PPIP5K1: variants seen among roughly 807,000 people sequenced by gnomAD.
The protein encoded by PPIP5K1 is inositol hexakisphosphate and diphosphoinositol-pentakisphosphate kinase 1.
A neutral mutation model predicts 27.7 loss-of-function variants in PPIP5K1; 6 were observed. The ratio of observed to expected loss-of-function variants is 0.22; its 90% CI spans 0.12 to 0.43. The LOEUF (loss-of-function observed/expected upper bound fraction) is 0.43, where lower values mean the gene tolerates loss of function less well. Among genes scored for constraint, PPIP5K1 ranks in the 20% least tolerant of loss-of-function variants. PPIP5K1 has a pLI of 1.00. For synonymous variants in PPIP5K1, 145 were observed against 242.6 expected (o/e 0.60, Z 3.74); for missense variants, 394 against 635.4 (o/e 0.62, Z 4.08).
At chr15:43,559,635 G>A (rs544327284) in intron 29 of PPIP5K1, among the ~76,000 whole-genome samples, 1 of 151,982 alleles carries the variant, frequency 6.6e-6, no homozygotes, top group African/African-American at 2.4e-5. Context: ...GAAAAATGAG[G>A]CAAATGCCCT....
At chr15:43,537,065 G>A (rs2079957641) in intron 31 of PPIP5K1, among the ~76,000 whole-genome samples, 1 of 151,914 alleles carries the variant, frequency 6.6e-6, no homozygotes, top group Non-Finnish European at 1.5e-5. Context: ...GGCTGGACAC[G>A]GTGGCTCATA....
intron 30 of PPIP5K1, among the ~76,000 whole-genome samples, chr15:43,551,606 G>T (rs2082198927): frequency 1.8e-4 from 19 of 105,448 alleles, no homozygotes; most frequent in East Asian, 5.6e-4. Flanking sequence ...TCTTGATTCA[G>T]TTTTTTTTTT....
chr15:43,548,733 A>G (rs933624154), intron 30 of PPIP5K1: 3 of 145,788 alleles, frequency 2.1e-5, no homozygotes, highest in African/African-American at 7.5e-5. Flanking sequence ...TTTCTTAAAA[A>G]TTATTTGTAG....
chr15:43,558,795 C>G lies in PPIP5K1; in HGVS notation c.3556G>C (p.Ala1186Pro). 1 of 1,613,852 alleles carries G rather than the reference C, an allele frequency of 6.2e-7. No individual in the cohort carries two copies. Among genetic ancestry groups the G allele is most frequent in the Middle Eastern group, 1.7e-4 (1 of 6,048 alleles). ...HTDAQAQASA[A>P]LFDSMHSSQA... ...GGTAAAAAAATAAGAATATCCCTAC[C>G]TGCAGATGCCTGTGCCTGGGCATCA... Residue 1186 changes from alanine (A) to proline (P), a missense_variant and splice_region_variant, in exon 30 of 32, where the codon GCC becomes CCC. Ala to Pro is a conservative substitution (Grantham distance 27, BLOSUM62 -1). Around this residue, in one of 4 missense-constraint regions of PPIP5K1, gnomAD observed 379 missense variants for 423.9 expected, o/e 0.89. Coordinates refer to ENST00000420765, the MANE Select transcript of PPIP5K1 (RefSeq NM_001394395.1).
At chr15:43,558,106 G>A (rs1396780878) in intron 30 of PPIP5K1, among the ~76,000 whole-genome samples, 1 of 150,780 alleles carries the variant, frequency 6.6e-6, no homozygotes, top group Non-Finnish European at 1.5e-5. Flanking sequence ...CTGTCACCCA[G>A]GCTGGAGTGC....
At chr15:43,556,476 A>G (rs2082967412) in intron 30 of PPIP5K1, among the ~76,000 whole-genome samples, 2 of 151,942 alleles carry the variant, frequency 1.3e-5, no homozygotes, top group African/African-American at 4.8e-5. Flanking sequence ...GTCTCTACTA[A>G]AAATTCAAAA....
chr15:43,541,568 C>G (rs1405073798), intron 30 of PPIP5K1, among the ~76,000 whole-genome samples: 1 of 151,870 alleles, frequency 6.6e-6, no homozygotes, highest in Non-Finnish European at 1.5e-5. Context: ...AATACAAAAA[C>G]TAGCCAGGCG....
intron 30 of PPIP5K1, among the ~76,000 whole-genome samples, chr15:43,551,425 G>A (rs542870680): frequency 6.7e-5 from 10 of 150,280 alleles, no homozygotes; most frequent in African/African-American, 2.4e-4. Context: ...GGCTGAGGCA[G>A]GAGAATCGTT....
chr15:43,581,278 C>A lies in PPIP5K1; in HGVS notation c.888G>T (p.Met296Ile). 1.2e-6 allele frequency: 2 copies of A among 1,613,182 alleles called. No individual in the cohort carries two copies. The highest frequency in any genetic ancestry group is 8.5e-7 in the Non-Finnish European group (1 of 1,179,856). ...CCACCAGCTTTTCCATGGCAGTCAG[C>A]ATGACTGGATATCGAATCTCTTTCC... The part of the protein sequence containing the change: ...SEGKEIRYPV[M>I]LTAMEKLVAR... The change falls in exon 9 of 32, where the codon ATG becomes ATT. Residue 296 changes from methionine (M) to isoleucine (I), a missense_variant. Around this residue, in one of 4 missense-constraint regions of PPIP5K1, gnomAD observed 10 missense variants for 90.2 expected, o/e 0.11. Coordinates refer to ENST00000420765, the MANE Select transcript of PPIP5K1 (RefSeq NM_001394395.1).
At chr15:43,539,884 TG>T (rs2080437007) in intron 30 of PPIP5K1, among the ~76,000 whole-genome samples, 1 of 152,242 alleles carries the variant, frequency 6.6e-6, no homozygotes, top group African/African-American at 2.4e-5. Flanking sequence ...TATTTCTGCA[TG>T]CTAAAGTGTT....
rs936735387 is a variant in PPIP5K1, at chr15:43,560,417, G to C, written c.3414C>G (p.Leu1138=). 7.7e-7 allele frequency: 1 copy of C among 1,301,932 alleles called. No homozygotes were observed. Among genetic ancestry groups the C allele is most frequent in the Admixed American group, 2.3e-5 (1 of 43,542 alleles). The allele number at this position is 1,301,932 out of a possible 1,614,324, so 80.6% of individuals were successfully genotyped here. ...CAGTTTGGTGGCAGGGGGTACCGTA[G>C]AGGCACTCGGGGTCATCCTGGCCTG... ...LRSGQDDPEC[L]YGFEGCSMVP... is the part of the protein sequence containing the mutation. Residue 1138 remains leucine, a synonymous_variant, in exon 29 of 32, where the codon CTC becomes CTG. Transcript: ENST00000420765.
At position 43,579,381 on chromosome 15, in the gene PPIP5K1, T is replaced by TACACACAC. The variant is rs879415771; in HGVS notation, c.1062-262_1062-261insGTGTGTGT. On this transcript the variant is annotated intron_variant, in intron 10 of 31. Coordinates refer to ENST00000420765, the MANE Select transcript of PPIP5K1 (RefSeq NM_001394395.1). Reference sequence around the variant, plus strand: ...GAGGAGTACATAGGGGCTTCGATTATATACACACACACACACACACACACA... The same window carrying TACACACAC: ...GAGGAGTACATAGGGGCTTCGATTATACACACACATACACACACACACACACACACACA... Among the ~76,000 whole-genome samples the TACACACAC allele has an allele frequency of 1.2e-3, 39 of 32,098 alleles. 1 individual carries two copies. Among genetic ancestry groups the TACACACAC allele is most frequent in the Admixed American group, 2.1e-3 (8 of 3,810 alleles). The allele number at this position is 32,098 out of a possible 152,430, so 21.1% of individuals were successfully genotyped here. A position where few individuals can be genotyped will look rare whatever the true frequency, so the allele number is the denominator to read the frequency against.
In PPIP5K1 at chr15:43,537,706, AAG is replaced by A. The variant is rs1156583027; in HGVS notation, c.3670+1762_3670+1763del. The stretch of plus-strand genomic sequence containing the variant: ...TCCATCTCAAAAAAAAAAAAAAAAA[AAG>A]AGAGAGAGAGAGAGAGAGAGAGAAG... On this transcript the variant is annotated intron_variant, in intron 31 of 31. Transcript: ENST00000420765. 2.2e-3 allele frequency among the ~76,000 whole-genome samples: 275 copies of A among 126,690 alleles called. 2 individuals are homozygous for A. The highest frequency in any genetic ancestry group is 2.7e-3 in the Non-Finnish European group (171 of 64,466). 83.1% of individuals were successfully genotyped at this position (126,690 alleles called of 152,430 possible). A position where few individuals can be genotyped will look rare whatever the true frequency, so the allele number is the denominator to read the frequency against.
chr15:43,552,655 C>T (rs892594924), intron 30 of PPIP5K1, among the ~76,000 whole-genome samples: 2 of 150,654 alleles, frequency 1.3e-5, no homozygotes, highest in Non-Finnish European at 2.9e-5. Flanking sequence ...GAGCCATGAT[C>T]GTACCACTGC....
intron 30 of PPIP5K1, among the ~76,000 whole-genome samples, chr15:43,544,161 G>A (rs1183206589): frequency 6.6e-6 from 1 of 151,962 alleles, no homozygotes. Context: ...ATTCCCTATT[G>A]TTAAATCTGA....
rs933489616 is a variant in PPIP5K1, at chr15:43,557,757, TG to T, written c.3556+1037del. On this transcript the variant is annotated intron_variant, in intron 30 of 31. Transcript: ENST00000420765. ...ATAGCTCACTGCAGCCTTGAACTCC[TG>T]GGTTCAAGTGATCCTCCCGTTTCAA... Among the ~76,000 whole-genome samples, 8 of 150,906 alleles carry T rather than the reference TG, an allele frequency of 5.3e-5. No homozygotes were observed. In the South Asian group the frequency reaches 1.7e-3, roughly 32 times the overall value.
rs1255164774 is a variant in PPIP5K1 at position 43,535,191 on chromosome 15, G to A, written c.3956C>T (p.Pro1319Leu). Residue 1319 changes from proline to leucine, a missense_variant, in exon 32 of 32, where the codon CCT (proline) becomes CTT (leucine). Pro to Leu is a moderately conservative substitution (Grantham distance 98, BLOSUM62 -3). Around this residue, in one of 4 missense-constraint regions of PPIP5K1, gnomAD observed 379 missense variants for 423.9 expected, o/e 0.89. Transcript: ENST00000420765. ...EEVSQPCQEVPDISQPCQDIS... is the reference protein window; with the variant it reads ...EEVSQPCQEVLDISQPCQDIS... ...GTCCTGGCATGGCTGGCTGATGTCAGGGACCTCCTGACATGGCTGGCTGAC... is the reference window on the plus strand; with the variant it reads ...GTCCTGGCATGGCTGGCTGATGTCAAGGACCTCCTGACATGGCTGGCTGAC... The A allele has an allele frequency of 6.2e-7, 1 of 1,613,970 alleles. No homozygotes were observed. Among genetic ancestry groups the A allele is most frequent in the Non-Finnish European group, 8.5e-7 (1 of 1,180,020 alleles).
intron 31 of PPIP5K1, among the ~76,000 whole-genome samples, chr15:43,536,456 T>C (rs2079877488): frequency 6.6e-6 from 1 of 151,052 alleles, no homozygotes; most frequent in Non-Finnish European, 1.5e-5. Context: ...TACCCAAAAA[T>C]GGAAGATGGC....
intron 31 of PPIP5K1, 128 bp downstream of exon 31, chr15:43,539,342 C>T (rs2140377325): frequency 1.4e-6 from 1 of 712,262 alleles, no homozygotes; most frequent in Non-Finnish European, 2.5e-6. Context: ...GATGAGACTG[C>T]TTCCCAGAAT....
Sources: allele counts gnomAD v4.1 joint callset (sites outside exome capture counted in the v4.1 genomes callset), GRCh38; gene constraint gnomAD v4.1.1; regional missense constraint gnomAD v4.1.1; transcripts MANE v1.5; gene names NCBI Gene and HGNC (gene_info 2026-07-23, HGNC 2026-07-21).